Variants in ZBBX observed in about 807,000 individuals in gnomAD.
ZBBX encodes zinc finger B-box domain-containing protein 1.
In ZBBX, 101 loss-of-function variants were observed where a neutral mutation model predicts 108.5. The observed-to-expected ratio is 0.93, with a 90% CI of 0.79 to 1.10. ZBBX has a LOEUF of 1.10. ZBBX is among the 50% of genes least tolerant of loss of function. ZBBX has a pLI of 0.00. For synonymous variants in ZBBX, 356 were observed against 323.4 expected, an observed-to-expected ratio of 1.10 and a Z score of -1.08; for missense variants, 1,009 against 941.4, an observed-to-expected ratio of 1.07 and a Z score of -0.94.
intron 17 of ZBBX, among the ~76,000 whole-genome samples, chr3:167,299,004 C>A (rs897461194): frequency 6.6e-6 from 1 of 151,984 alleles, no homozygotes; most frequent in Admixed American, 6.6e-5. Context: ...AACTAGCAGA[C>A]CTAGGCTTTG....
chr3:167,248,920 G>A (rs374674276), intron 20 of ZBBX, among the ~76,000 whole-genome samples: 16 of 152,310 alleles, frequency 1.1e-4, no homozygotes, highest in African/African-American at 3.1e-4. Flanking sequence ...CAAGGTCATC[G>A]GGGCTCAGGG....
the ZBBX span, among the ~76,000 whole-genome samples, chr3:167,216,317 T>C: frequency 1.3e-5 from 2 of 151,906 alleles, no homozygotes; most frequent in Non-Finnish European, 2.9e-5. Context: ...ATCACAAGCA[T>C]TCCTATACAC....
chr3:167,381,361 T>C (rs1043003446), upstream of ZBBX: 1 of 152,198 alleles, frequency 6.6e-6, no homozygotes, highest in Admixed American at 6.5e-5. Flanking sequence ...ATGCTCAGTC[T>C]AACTGCTTAA....
At chr3:167,348,261 GGGAAGGAA>G (rs71176640) in intron 9 of ZBBX, among the ~76,000 whole-genome samples, 5,786 of 73,538 alleles carry the variant, frequency 0.079, 592 homozygotes, top group Middle Eastern at 0.12. Flanking sequence ...GAGGGTGGAA[GGGAAGGAA>G]GGAAGGAAGG....
rs192941304 is a variant in ZBBX at position 167,291,065 on chromosome 3, C to A, written c.1880-2082G>T. ...AGAAATATGGGACTGTGTGAAAAGA[C>A]CAAATCTACGTTTTATTGGTGTACC... is the stretch of plus-strand genomic sequence containing the variant. On this transcript the variant is annotated intron_variant, in intron 18 of 21. Coordinates refer to ENST00000675490, the MANE Select transcript of ZBBX (RefSeq NM_001199201.2). Among the ~76,000 whole-genome samples, 5 of 152,058 alleles carry A rather than the reference C, an allele frequency of 3.3e-5. No homozygotes were observed. In the East Asian group the frequency reaches 9.7e-4, roughly 29 times the overall value.
intron 9 of ZBBX, 55 bp downstream of exon 9, chr3:167,350,365 T>C (rs915085395): frequency 9.4e-6 from 13 of 1,376,918 alleles, no homozygotes; most frequent in African/African-American, 8.6e-5. Context: ...TAAATGTCTT[T>C]ATGTGGAAAC....
At chr3:167,257,428 CAT>C (rs1723716823) in intron 20 of ZBBX, among the ~76,000 whole-genome samples, 1 of 152,072 alleles carries the variant, frequency 6.6e-6, no homozygotes, top group East Asian at 1.9e-4. Context: ...TGCTCTAAAA[CAT>C]ACAGTACTAT....
At chr3:167,356,240 T>C (rs144912264) in intron 8 of ZBBX, among the ~76,000 whole-genome samples, 60 of 152,228 alleles carry the variant, frequency 3.9e-4, no homozygotes, top group African/African-American at 1.3e-3. Flanking sequence ...TTTACAAATT[T>C]CTGGACAGCA....
intron 1 of ZBBX, among the ~76,000 whole-genome samples, chr3:167,406,680 T>C (rs1560218811): frequency 6.6e-6 from 1 of 152,212 alleles, no homozygotes; most frequent in Non-Finnish European, 1.5e-5. Context: ...TTGAACACCA[T>C]GGACGTAGCT....
At chr3:167,333,698 A>C in intron 10 of ZBBX, 129 bp downstream of exon 10, 1 of 838,448 alleles carries the variant, frequency 1.2e-6, no homozygotes, top group Admixed American at 3.2e-5. Context: ...TTAATGAAGA[A>C]CAAATCCATA....
chr3:167,396,092 G>A (rs577796597), intron 1 of ZBBX, among the ~76,000 whole-genome samples: 2 of 152,048 alleles, frequency 1.3e-5, no homozygotes, highest in Admixed American at 6.6e-5. Context: ...CCTTACTAGT[G>A]CTCAATCTAA....
At chr3:167,326,570 G>T (rs956442360) in intron 11 of ZBBX, among the ~76,000 whole-genome samples, 6 of 151,870 alleles carry the variant, frequency 4.0e-5, no homozygotes, top group African/African-American at 1.5e-4. Flanking sequence ...TTCCAAAGCA[G>T]ACAAAGAAGA....
chr3:167,394,673 A>G (rs1748177074), intron 1 of ZBBX, among the ~76,000 whole-genome samples: 2 of 151,978 alleles, frequency 1.3e-5, no homozygotes, highest in Admixed American at 1.3e-4. Context: ...ATTCTAATAG[A>G]TGCTACAGAA....
At chr3:167,286,673 G>T (rs1168461049) in intron 19 of ZBBX, among the ~76,000 whole-genome samples, 1 of 151,998 alleles carries the variant, frequency 6.6e-6, no homozygotes, top group Non-Finnish European at 1.5e-5. Flanking sequence ...AAATAAATAG[G>T]ATACACTGAG....
intron 20 of ZBBX, among the ~76,000 whole-genome samples, chr3:167,274,827 C>A (rs1488209070): frequency 6.6e-6 from 1 of 152,112 alleles, no homozygotes; most frequent in Admixed American, 6.5e-5. Context: ...CTGACCCCAG[C>A]CCATGGGGGA....
At chr3:167,353,219 A>C (rs1202055536) in intron 8 of ZBBX, among the ~76,000 whole-genome samples, 1 of 152,158 alleles carries the variant, frequency 6.6e-6, no homozygotes, top group African/African-American at 2.4e-5. Flanking sequence ...TATGCCTAGA[A>C]AACCCTAATG....
intron 5 of ZBBX, 47 bp from the exon 6 acceptor site, chr3:167,366,023 C>A (rs1045159958): frequency 1.4e-6 from 2 of 1,399,812 alleles, no homozygotes; most frequent in Non-Finnish European, 2.0e-6. Flanking sequence ...AAACACATTT[C>A]TCCCTTTAAT....
intron 9 of ZBBX, among the ~76,000 whole-genome samples, chr3:167,337,399 G>T (rs1739738914): frequency 6.6e-6 from 1 of 152,034 alleles, no homozygotes; most frequent in African/African-American, 2.4e-5. Flanking sequence ...CATGCCTGTA[G>T]TCTCAGCTAT....
intron 8 of ZBBX, among the ~76,000 whole-genome samples, chr3:167,354,057 G>C (rs1015738185): frequency 2.6e-5 from 4 of 151,934 alleles, no homozygotes; most frequent in African/African-American, 9.7e-5. Context: ...TCATAGCTTA[G>C]CCTAGCTAAC....
Sources: allele counts gnomAD v4.1 joint callset (sites outside exome capture counted in the v4.1 genomes callset), GRCh38; gene constraint gnomAD v4.1.1; transcripts MANE v1.5; gene names NCBI Gene and HGNC (gene_info 2026-07-23, HGNC 2026-07-21).